TRIM60: variants seen among roughly 807,000 people sequenced by gnomAD.
TRIM60 encodes tripartite motif-containing protein 60.
For missense variants in TRIM60, 524 were observed against 540.8 expected, an observed-to-expected ratio of 0.97 and a Z score of 0.31; for synonymous variants, 189 against 195.2, an observed-to-expected ratio of 0.97 and a Z score of 0.27.
rs1291728143 is a variant in TRIM60 at position 165,041,373 on chromosome 4, G to T, written c.1301G>T (p.Arg434Met). The change falls in exon 3 of 3, where the codon AGG (arginine) becomes ATG (methionine). Residue 434 changes from arginine to methionine, a missense_variant. Arg to Met is a moderately conservative substitution (Grantham distance 91). Coordinates refer to ENST00000512596, the MANE Select transcript of TRIM60 (RefSeq NM_152620.3). ...GDLSFYNMNDRSILYTFNDCF... is the reference protein window; with the variant it reads ...GDLSFYNMNDMSILYTFNDCF... ...CTTTCCTTTTATAATATGAATGATA[G>T]GTCTATTCTCTATACTTTTAACGAT... 2.5e-6 allele frequency: 4 copies of T among 1,613,736 alleles called. No individual in the cohort carries two copies. Among genetic ancestry groups the T allele is most frequent in the Non-Finnish European group, 3.4e-6 (4 of 1,179,806 alleles).
intron 1 of TRIM60, among the ~76,000 whole-genome samples, chr4:165,038,572 C>T (rs1396882922): frequency 1.4e-5 from 2 of 147,800 alleles, no homozygotes; most frequent in African/African-American, 5.0e-5. Flanking sequence ...ACTCTGCAGG[C>T]TGAGGCTGCA....
chr4:165,038,158 C>G lies in TRIM60; in HGVS notation c.-56-1043C>G, dbSNP rs1733666086. Among the ~76,000 whole-genome samples the G allele has an allele frequency of 2.0e-5, 3 of 152,116 alleles. No homozygotes were observed. In the South Asian group the frequency reaches 6.2e-4, roughly 31 times the overall value. The stretch of plus-strand genomic sequence containing the variant: ...AGAGAGGTGTTTATAAAGATCATGA[C>G]CCCTTCACCAGTATATATTTAAGCA... On this transcript the variant is annotated intron_variant, in intron 1 of 2. Transcript: ENST00000512596.
rs564045870 is a variant in TRIM60 at position 165,034,444 on chromosome 4, G to A, written c.-57+2332G>A. On this transcript the variant is annotated intron_variant, in intron 1 of 2. Coordinates refer to ENST00000512596, the MANE Select transcript of TRIM60 (RefSeq NM_152620.3). The stretch of plus-strand genomic sequence containing the variant: ...TGGGATTACAGGCGTGAGCCACTGC[G>A]CCCGTCCATGAAATACCCTTTTTTA... 1.1e-4 allele frequency among the ~76,000 whole-genome samples: 17 copies of A among 152,222 alleles called. No individual in the cohort carries two copies. In the South Asian group the frequency reaches 1.2e-3, roughly 11 times the overall value.
Position 165,041,746 on chromosome 4 carries a change from A to G in TRIM60, c.*258A>G, listed in dbSNP as rs1277356913. 3 of 314,050 alleles carry G rather than the reference A, an allele frequency of 9.6e-6. No individual in the cohort carries two copies. The highest frequency in any genetic ancestry group is 1.1e-4 in the East Asian group (2 of 17,722). 19.5% of individuals were successfully genotyped at this position (314,050 alleles called of 1,614,324 possible). A position where few individuals can be genotyped will look rare whatever the true frequency, so the allele number is the denominator to read the frequency against. ...CCAATAAAATGTTTTCAAATTGCCT[A>G]TAATTTTTTTTTTTAGTTAAGCAAA... On this transcript the variant is annotated 3_prime_UTR_variant, in exon 3 of 3. Transcript: ENST00000512596.
rs1383233579 is a variant in TRIM60, at chr4:165,040,088, G to A, written c.16G>A (p.Ala6Thr). MEFVT[A>T]LVNLQEESSC... Reference sequence around the variant, plus strand: ...TCGCAGCTCGATGGAGTTTGTGACAGCCCTGGTGAACCTCCAAGAGGAGTC... The same window carrying A: ...TCGCAGCTCGATGGAGTTTGTGACAACCCTGGTGAACCTCCAAGAGGAGTC... The change falls in exon 3 of 3, where the codon GCC becomes ACC. Residue 6 changes from alanine to threonine, a missense_variant. Ala to Thr is a moderately conservative substitution (Grantham distance 58, BLOSUM62 0). Transcript: ENST00000512596. The A allele has an allele frequency of 6.2e-7, 1 of 1,612,364 alleles. No homozygotes were observed. The highest frequency in any genetic ancestry group is 8.5e-7 in the Non-Finnish European group (1 of 1,179,826).
rs1262811693 is a variant in TRIM60, at chr4:165,040,062, T to C, written c.-4-7T>C. On this transcript the variant is annotated splice_region_variant and splice_polypyrimidine_tract_variant and intron_variant, in intron 2 of 2. Coordinates refer to ENST00000512596, the MANE Select transcript of TRIM60 (RefSeq NM_152620.3). ...GAGGTTACCTTATGCATTACCTTTGTTCGCAGCTCGATGGAGTTTGTGACA... is the reference window on the plus strand; with the variant it reads ...GAGGTTACCTTATGCATTACCTTTGCTCGCAGCTCGATGGAGTTTGTGACA... 4.4e-6 allele frequency: 7 copies of C among 1,608,814 alleles called. No homozygotes were observed. The highest frequency in any genetic ancestry group is 5.9e-6 in the Non-Finnish European group (7 of 1,178,308).
chr4:165,040,615 A>G lies in TRIM60; in HGVS notation c.543A>G (p.Glu181=). 6.2e-7 allele frequency: 1 copy of G among 1,614,204 alleles called. No individual in the cohort carries two copies. Among genetic ancestry groups the G allele is most frequent in the Non-Finnish European group, 8.5e-7 (1 of 1,180,022 alleles). ...ELKKKVEYKR[E]EINSEFEQIR... is the part of the protein sequence containing the mutation. ...AAAAGAAGGTAGAATATAAGAGGGAAGAAATAAATTCTGAGTTTGAGCAAA... is the reference window on the plus strand; with the variant it reads ...AAAAGAAGGTAGAATATAAGAGGGAGGAAATAAATTCTGAGTTTGAGCAAA... Residue 181 remains glutamate, a synonymous_variant, in exon 3 of 3, where the codon GAA becomes GAG. Transcript: ENST00000512596.
At position 165,041,533 on chromosome 4, in the gene TRIM60, C is replaced by T; in HGVS notation, c.*45C>T. Reference sequence around the variant, plus strand: ...GTTTCAGTTTTTGTAGGTAACTTAGCCAGTAAATTTAATCTCATTTCTGGA... The same window carrying T: ...GTTTCAGTTTTTGTAGGTAACTTAGTCAGTAAATTTAATCTCATTTCTGGA... On this transcript the variant is annotated 3_prime_UTR_variant, in exon 3 of 3. Coordinates refer to ENST00000512596, the MANE Select transcript of TRIM60 (RefSeq NM_152620.3). 7.5e-7 allele frequency: 1 copy of T among 1,328,492 alleles called. No homozygotes were observed. Among genetic ancestry groups the T allele is most frequent in the Non-Finnish European group, 1.0e-6 (1 of 979,626 alleles). The allele number at this position is 1,328,492 out of a possible 1,614,324, so 82.3% of individuals were successfully genotyped here. A position where few individuals can be genotyped will look rare whatever the true frequency, so the allele number is the denominator to read the frequency against.
At position 165,041,089 on chromosome 4, in the gene TRIM60, C is replaced by CATAAT; in HGVS notation, c.1017_1018insATAAT (p.Leu340IlefsTer3). On this transcript the variant is annotated frameshift_variant, in exon 3 of 3. Transcript: ENST00000512596. LOFTEE classifies it low-confidence loss of function (END_TRUNC). ...GGAGATTTTATGTCTGCCCTGCTGT[C>CATAAT]CTAGGCTCTCAGAGATTTAGTTCTG... 1 of 1,614,180 alleles carries CATAAT rather than the reference C, an allele frequency of 6.2e-7. No homozygotes were observed. Among genetic ancestry groups the CATAAT allele is most frequent in the South Asian group, 1.1e-5 (1 of 91,090 alleles).
At chr4:165,039,723 G>A (rs1733705610) in intron 2 of TRIM60, 1 of 157,040 alleles carries the variant, frequency 6.4e-6, no homozygotes, top group Non-Finnish European at 1.4e-5. Context: ...GCGTGAACCC[G>A]GGAAGCGGAG....
chr4:165,040,004 T>A (rs928927927), intron 2 of TRIM60, 65 bp from the exon 3 acceptor site: 2 of 1,350,068 alleles, frequency 1.5e-6, no homozygotes, highest in Admixed American at 4.1e-5. Flanking sequence ...TCTCACTGGG[T>A]TTGCGCTCTA....
At chr4:165,034,887 A>G (rs144927790) in intron 1 of TRIM60, among the ~76,000 whole-genome samples, 31 of 152,318 alleles carry the variant, frequency 2.0e-4, no homozygotes, top group African/African-American at 6.5e-4. Flanking sequence ...GTACTATACT[A>G]TACATACTAC....
At chr4:165,032,491 C>T (rs1365734924) in intron 1 of TRIM60, among the ~76,000 whole-genome samples, 1 of 152,166 alleles carries the variant, frequency 6.6e-6, no homozygotes, top group Non-Finnish European at 1.5e-5. Flanking sequence ...TCAGGTGGTC[C>T]GCCCGCCTCG....
Position 165,040,205 on chromosome 4 carries a change from A to G in TRIM60, c.133A>G (p.Lys45Glu). ...FCRSCLSVSW[K>E]DLDDTFPCPV... ...TCGCTCCTGCCTCAGTGTATCCTGG[A>G]AGGATCTAGATGATACCTTTCCCTG... Residue 45 changes from lysine (K) to glutamate (E), a missense_variant, in exon 3 of 3, where the codon AAG becomes GAG. Coordinates refer to ENST00000512596, the MANE Select transcript of TRIM60 (RefSeq NM_152620.3). 6.2e-7 allele frequency: 1 copy of G among 1,614,130 alleles called. No homozygotes were observed. The highest frequency in any genetic ancestry group is 8.5e-7 in the Non-Finnish European group (1 of 1,180,030).
rs910944531 is a variant in TRIM60, at chr4:165,035,678, T to G, written c.-56-3523T>G. 1.8e-4 allele frequency among the ~76,000 whole-genome samples: 27 copies of G among 152,174 alleles called. 1 individual carries two copies. The highest frequency in any genetic ancestry group is 6.5e-4 in the African/African-American group (27 of 41,456). On this transcript the variant is annotated intron_variant, in intron 1 of 2. Transcript: ENST00000512596. Reference sequence around the variant, plus strand: ...GCTATTCATCATAAACCTCATTGTTTGTATAAACACTGTAGGTGTAGTAAG... The same window carrying G: ...GCTATTCATCATAAACCTCATTGTTGGTATAAACACTGTAGGTGTAGTAAG...
rs757413885 is a variant in TRIM60, at chr4:165,040,107, A to T, written c.35A>T (p.Glu12Val). The T allele has an allele frequency of 6.2e-7, 1 of 1,613,190 alleles. No individual in the cohort carries two copies. Among genetic ancestry groups the T allele is most frequent in the Non-Finnish European group, 8.5e-7 (1 of 1,179,990 alleles). Residue 12 changes from glutamate (E) to valine (V), a missense_variant, in exon 3 of 3, where the codon GAG (glutamate) becomes GTG (valine). Physicochemically the swap from Glu to Val is moderately radical, Grantham distance 121. Transcript: ENST00000512596. ...EFVTALVNLQEESSCPICLEY... is the reference protein window; with the variant it reads ...EFVTALVNLQVESSCPICLEY... ...GTGACAGCCCTGGTGAACCTCCAAG[A>T]GGAGTCTAGCTGTCCCATCTGTCTG...
rs1194561082 is a variant in TRIM60 at position 165,041,545 on chromosome 4, A to C, written c.*57A>C. 7.9e-7 allele frequency: 1 copy of C among 1,268,590 alleles called. No individual in the cohort carries two copies. The highest frequency in any genetic ancestry group is 1.1e-6 in the Non-Finnish European group (1 of 929,246). The allele number at this position is 1,268,590 out of a possible 1,614,324, so 78.6% of individuals were successfully genotyped here. A position where few individuals can be genotyped will look rare whatever the true frequency, so the allele number is the denominator to read the frequency against. ...GTAGGTAACTTAGCCAGTAAATTTA[A>C]TCTCATTTCTGGACTCTTTAAGTTT... On this transcript the variant is annotated 3_prime_UTR_variant, in exon 3 of 3. Transcript: ENST00000512596.
chr4:165,033,801 G>A (rs888946273), intron 1 of TRIM60, among the ~76,000 whole-genome samples: 1 of 152,200 alleles, frequency 6.6e-6, no homozygotes, highest in South Asian at 2.1e-4. Context: ...GTGAGTTGGC[G>A]CTCAGTAGAG....
chr4:165,040,712 G>C lies in TRIM60; in HGVS notation c.640G>C (p.Ala214Pro). Residue 214 changes from alanine to proline, a missense_variant, in exon 3 of 3, where the codon GCA becomes CCA. By Grantham distance (27) the Ala-to-Pro change is conservative. Coordinates refer to ENST00000512596, the MANE Select transcript of TRIM60 (RefSeq NM_152620.3). ...QIQDEEMNIL[A>P]KLNENLVELS... ...ACAAGATGAAGAGATGAACATTTTAGCAAAACTAAATGAAAACCTTGTAGA... is the reference window on the plus strand; with the variant it reads ...ACAAGATGAAGAGATGAACATTTTACCAAAACTAAATGAAAACCTTGTAGA... The C allele has an allele frequency of 6.2e-7, 1 of 1,613,852 alleles. No individual in the cohort carries two copies. The highest frequency in any genetic ancestry group is 8.5e-7 in the Non-Finnish European group (1 of 1,179,948).
Sources: gnomAD v4.1 joint callset for allele counts (sites outside exome capture counted in the v4.1 genomes callset) on GRCh38, gnomAD v4.1.1 for gene constraint, MANE v1.5 for transcripts, NCBI Gene and HGNC (gene_info 2026-07-23, HGNC 2026-07-21) for gene names.